MS4A4A: variants seen among roughly 807,000 people sequenced by gnomAD.
The protein encoded by MS4A4A is membrane-spanning 4-domains subfamily A member 4A.
Under a neutral mutation model 28.0 loss-of-function variants are expected in MS4A4A, and 26 were observed. The ratio of observed to expected loss-of-function variants is 0.93; its 90% CI spans 0.68 to 1.29. The LOEUF (loss-of-function observed/expected upper bound fraction) is 1.29, where lower values mean the gene tolerates loss of function less well. Among genes scored for constraint, MS4A4A ranks in the 50% most tolerant of loss-of-function variants. The probability of loss-of-function intolerance (pLI) is 0.00; values close to 1 mark genes in which losing one functional copy is unlikely to be tolerated. For missense variants in MS4A4A, 290 were observed against 293.1 expected (o/e 0.99, Z 0.08); for synonymous variants, 86 against 100.8 (o/e 0.85, Z 0.88).
In MS4A4A at chr11:60,308,276, T is replaced by G. The variant is rs2085023752; in HGVS notation, c.*98T>G. 9.9e-7 allele frequency: 1 copy of G among 1,007,816 alleles called. No homozygotes were observed. Among genetic ancestry groups the G allele is most frequent in the Admixed American group, 2.0e-5 (1 of 51,194 alleles). The allele number at this position is 1,007,816 out of a possible 1,614,324, so 62.4% of individuals were successfully genotyped here. A position where few individuals can be genotyped will look rare whatever the true frequency, so the allele number is the denominator to read the frequency against. ...AATTACCAGTATCCAACTTCGATAC[T>G]GATAGACTTGTTGATATTATTATTA... On this transcript the variant is annotated 3_prime_UTR_variant, in exon 7 of 7. Coordinates refer to ENST00000337908, the MANE Select transcript of MS4A4A (RefSeq NM_148975.3).
intron 4 of MS4A4A, among the ~76,000 whole-genome samples, chr11:60,301,763 T>C (rs2084954217): frequency 6.6e-6 from 1 of 152,038 alleles, no homozygotes; most frequent in African/African-American, 2.4e-5. Flanking sequence ...CTTTTTTGTT[T>C]GTTTTTTTTC....
intron 2 of MS4A4A, among the ~76,000 whole-genome samples, chr11:60,295,822 A>G (rs961517975): frequency 1.1e-4 from 16 of 152,138 alleles, no homozygotes; most frequent in Non-Finnish European, 5.9e-5. Context: ...TCAGTCTTGC[A>G]TACCTGGGAT....
At chr11:60,281,043 G>T (rs2084751279) in intron 1 of MS4A4A, among the ~76,000 whole-genome samples, 2 of 152,198 alleles carry the variant, frequency 1.3e-5, no homozygotes, top group African/African-American at 2.4e-5. Context: ...CCTTTGACTA[G>T]TTACCTCATC....
Position 60,292,225 on chromosome 11 carries a change from C to T in MS4A4A, c.42C>T (p.Ser14=). 1.3e-6 allele frequency: 2 copies of T among 1,541,472 alleles called. No homozygotes were observed. The highest frequency in any genetic ancestry group is 1.7e-6 in the Non-Finnish European group (2 of 1,149,804). Residue 14 remains serine (S), a splice_region_variant and synonymous_variant, in exon 2 of 7, where the codon AGC becomes AGT. Coordinates refer to ENST00000337908, the MANE Select transcript of MS4A4A (RefSeq NM_148975.3). ...TYSRHCRPEE[S]TFSAAMTTMQ... ...TACTAAATTACATTTCTTATTGTAG[C>T]ACCTTTTCTGCTGCCATGACAACCA...
rs375102684 is a variant in MS4A4A at position 60,281,495 on chromosome 11, T to C, written c.41+779T>C. Among the ~76,000 whole-genome samples the C allele has an allele frequency of 5.3e-5, 8 of 152,314 alleles. No individual in the cohort carries two copies. The East Asian group carries it at 1.2e-3, about 22-fold the overall frequency. ...AAACAAAAACAGAATTCTTGGTTCC[T>C]AGCCCGGGCCTTTCCCCCTTTTCCC... On this transcript the variant is annotated intron_variant, in intron 1 of 6. Coordinates refer to ENST00000337908, the MANE Select transcript of MS4A4A (RefSeq NM_148975.3).
intron 1 of MS4A4A, among the ~76,000 whole-genome samples, chr11:60,281,215 C>T (rs1312167804): frequency 6.6e-6 from 1 of 152,124 alleles, no homozygotes; most frequent in African/African-American, 2.4e-5. Context: ...GGGCTGTGGC[C>T]TGACCTAGTT....
At chr11:60,281,160 A>G (rs1029749380) in intron 1 of MS4A4A, among the ~76,000 whole-genome samples, 12 of 152,158 alleles carry the variant, frequency 7.9e-5, no homozygotes, top group African/African-American at 2.9e-4. Context: ...TTTGGTGTAC[A>G]TGGAGTAGGG....
At position 60,292,291 on chromosome 11, in the gene MS4A4A, T is replaced by A. The variant is rs758033489; in HGVS notation, c.108T>A (p.Gly36=). 32 of 1,608,220 alleles carry A rather than the reference T, an allele frequency of 2.0e-5. No individual in the cohort carries two copies. The Admixed American group carries it at 5.2e-4, about 26-fold the overall frequency. Residue 36 remains glycine (G), a synonymous_variant, in exon 2 of 7, where the codon GGT becomes GGA. Coordinates refer to ENST00000337908, the MANE Select transcript of MS4A4A (RefSeq NM_148975.3). ...AGGCCATGCCAGGGGCTGGCCCTGGTGTGCCCCAGCTGGGAAACATGGCTG... is the reference window on the plus strand; with the variant it reads ...AGGCCATGCCAGGGGCTGGCCCTGGAGTGCCCCAGCTGGGAAACATGGCTG... ...MEQAMPGAGP[G]VPQLGNMAVI...
chr11:60,300,984 T>C lies in MS4A4A; in HGVS notation c.331-17T>C. ...TGGCTTAAAGTTTTTTACCTTCATT[T>C]TTTCTCTCATTTTTAGTTTATTATT... On this transcript the variant is annotated splice_polypyrimidine_tract_variant and intron_variant, in intron 3 of 6. Transcript: ENST00000337908. The C allele has an allele frequency of 8.8e-6, 14 of 1,583,866 alleles. No individual in the cohort carries two copies. Among genetic ancestry groups the C allele is most frequent in the Non-Finnish European group, 1.2e-5 (14 of 1,163,498 alleles).
chr11:60,296,419 G>T (rs1359613768), intron 2 of MS4A4A, among the ~76,000 whole-genome samples: 1 of 151,792 alleles, frequency 6.6e-6, no homozygotes, highest in Admixed American at 6.6e-5. Context: ...TTTAAAAACT[G>T]CTTTGGATTT....
intron 1 of MS4A4A, among the ~76,000 whole-genome samples, chr11:60,289,699 G>A (rs550508598): frequency 1.3e-5 from 2 of 151,522 alleles, no homozygotes; most frequent in Non-Finnish European, 2.9e-5. Context: ...CAGACATATT[G>A]TAGACCTTTT....
chr11:60,293,040 GGTTT>G (rs775987855), intron 2 of MS4A4A, among the ~76,000 whole-genome samples: 6 of 152,150 alleles, frequency 3.9e-5, no homozygotes, highest in African/African-American at 9.6e-5. Context: ...GCACATACTA[GGTTT>G]GTTTGTTTAT....
In MS4A4A at chr11:60,286,010, C is replaced by T. The variant is rs1297545000; in HGVS notation, c.41+5294C>T. ...TATCTTCAATCGCATAAGGCAGACA[C>T]CCCCAGAGCGGCTGTCCATAGGCAC... On this transcript the variant is annotated intron_variant, in intron 1 of 6. Transcript: ENST00000337908. Among the ~76,000 whole-genome samples the T allele has an allele frequency of 2.6e-5, 4 of 152,266 alleles. No homozygotes were observed. In the South Asian group the frequency reaches 8.3e-4, roughly 32 times the overall value.
At chr11:60,300,873 C>T in intron 3 of MS4A4A, 128 bp from the exon 4 acceptor site, 3 of 639,852 alleles carry the variant, frequency 4.7e-6, no homozygotes, top group Non-Finnish European at 5.2e-6. Flanking sequence ...ATGTGCAAAC[C>T]TTTGTGGTTT....
intron 1 of MS4A4A, among the ~76,000 whole-genome samples, chr11:60,291,747 G>A (rs2084857797): frequency 1.3e-5 from 2 of 148,714 alleles, no homozygotes; most frequent in Admixed American, 6.7e-5. Context: ...GCAGTGTGCC[G>A]AGATCGCGCC....
chr11:60,296,795 G>T (rs944641110), intron 2 of MS4A4A: 2 of 218,852 alleles, frequency 9.1e-6, no homozygotes, highest in East Asian at 3.1e-4. Flanking sequence ...TGCTTTTCTT[G>T]TTTTCTTCCC....
chr11:60,289,574 AGTGTGTGTGTGTGTGTGTGTAT>A (rs1313580483), intron 1 of MS4A4A, among the ~76,000 whole-genome samples: 13 of 131,070 alleles, frequency 9.9e-5, no homozygotes, highest in Non-Finnish European at 2.2e-4. Context: ...TGTTTTGGGG[AGTGTGTGTGTGTGTGTGTGTAT>A]GTGTGTGTGT....
chr11:60,292,228 CT>C lies in MS4A4A; in HGVS notation c.49del (p.Ser17LeufsTer4). On this transcript the variant is annotated frameshift_variant, in exon 2 of 7. Transcript: ENST00000337908. LOFTEE classifies it high-confidence loss of function. ...TAAATTACATTTCTTATTGTAGCAC[CT>C]TTTCTGCTGCCATGACAACCATGCA... ...SRHCRPEEST[F>X]SAAMTTMQGM... 6.5e-7 allele frequency: 1 copy of C among 1,544,922 alleles called. No individual in the cohort carries two copies. Among genetic ancestry groups the C allele is most frequent in the Non-Finnish European group, 8.7e-7 (1 of 1,151,524 alleles).
At chr11:60,305,815 T>C (rs1316232090) in intron 5 of MS4A4A, 1 of 357,570 alleles carries the variant, frequency 2.8e-6, no homozygotes, top group Non-Finnish European at 5.1e-6. Context: ...ACAATTATCT[T>C]TATACTACCT....
Sources: gnomAD v4.1 joint callset for allele counts (sites outside exome capture counted in the v4.1 genomes callset) on GRCh38, gnomAD v4.1.1 for gene constraint, MANE v1.5 for transcripts, NCBI Gene and HGNC (gene_info 2026-07-23, HGNC 2026-07-21) for gene names.